The following MCM5 variants were observed in gnomAD, a reference collection of about 807,000 sequenced individuals.
MCM5 encodes the protein DNA replication licensing factor MCM5.
MCM5 carries 46 observed loss-of-function variants against 79.9 expected under a neutral mutation model. The ratio of observed to expected loss-of-function variants is 0.58; its 90% CI spans 0.45 to 0.74. The LOEUF is 0.74. MCM5 is among the 30% of genes least tolerant of loss of function. The pLI, the probability that MCM5 is intolerant of heterozygous loss-of-function variation, is 0.00. For synonymous variants in MCM5, 404 were observed against 390.5 expected (o/e 1.03, Z -0.41); for missense variants, 883 against 1,017.0 (o/e 0.87, Z 1.79).
downstream of MCM5, chr22:35,425,458 A>G (rs1932770465): frequency 6.6e-6 from 1 of 152,186 alleles, no homozygotes; most frequent in African/African-American, 2.4e-5. Context: ...TGAATCACAA[A>G]TGTATTTTTG....
chr22:35,424,405 T>G lies in MCM5; in HGVS notation c.*150T>G. ...TCCTTTCTGCCCCAGAGGAAGGAGCTGTAGTGTCCTGCTGCCTCTGGGCGC... is the reference window on the plus strand; with the variant it reads ...TCCTTTCTGCCCCAGAGGAAGGAGCGGTAGTGTCCTGCTGCCTCTGGGCGC... On this transcript the variant is annotated 3_prime_UTR_variant, in exon 17 of 17. Coordinates refer to ENST00000216122, the MANE Select transcript of MCM5 (RefSeq NM_006739.4). The G allele has an allele frequency of 1.6e-6, 1 of 609,180 alleles. No homozygotes were observed. Among genetic ancestry groups the G allele is most frequent in the Middle Eastern group, 4.3e-4 (1 of 2,326 alleles). 37.7% of individuals were successfully genotyped at this position (609,180 alleles called of 1,614,324 possible). A position where few individuals can be genotyped will look rare whatever the true frequency, so the allele number is the denominator to read the frequency against.
chr22:35,438,935 CCATT>C, the MCM5 span, among the ~76,000 whole-genome samples: 39 of 149,762 alleles, frequency 2.6e-4, no homozygotes, highest in Middle Eastern at 3.5e-3. Flanking sequence ...ATCCATCCAT[CCATT>C]CATCCATCCA....
At chr22:35,413,226 A>G (rs1015292119) in intron 8 of MCM5, among the ~76,000 whole-genome samples, 2 of 151,768 alleles carry the variant, frequency 1.3e-5, no homozygotes, top group Non-Finnish European at 2.9e-5. Flanking sequence ...TTGTATTTTT[A>G]GTAGAGACAG....
downstream of MCM5, among the ~76,000 whole-genome samples, chr22:35,429,131 GC>G: frequency 6.6e-6 from 1 of 151,896 alleles, no homozygotes; most frequent in African/African-American, 2.4e-5. Context: ...GATTACAGGT[GC>G]CTGCCACCAT....
intron 7 of MCM5, among the ~76,000 whole-genome samples, chr22:35,411,800 G>A (rs564157598): frequency 2.0e-5 from 3 of 151,972 alleles, no homozygotes; most frequent in South Asian, 4.1e-4. Context: ...TTCTCCCCAC[G>A]TTCCAGACTT....
At chr22:35,404,608 T>C (rs1286731053) in intron 4 of MCM5, among the ~76,000 whole-genome samples, 1 of 152,222 alleles carries the variant, frequency 6.6e-6, no homozygotes, top group East Asian at 1.9e-4. Flanking sequence ...CCATCCACTA[T>C]GCTGAGACTG....
In MCM5 at chr22:35,406,470, T is replaced by A. The variant is rs1044379952; in HGVS notation, c.424-83T>A. The A allele has an allele frequency of 5.2e-6, 7 of 1,345,684 alleles. No homozygotes were observed. The African/African-American group carries it at 1.0e-4, about 19-fold the overall frequency. 83.4% of individuals were successfully genotyped at this position (1,345,684 alleles called of 1,614,324 possible). A position where few individuals can be genotyped will look rare whatever the true frequency, so the allele number is the denominator to read the frequency against. On this transcript the variant is annotated intron_variant, in intron 4 of 16. Coordinates refer to ENST00000216122, the MANE Select transcript of MCM5 (RefSeq NM_006739.4). Reference sequence around the variant, plus strand: ...AGCTCTGTGCCCACCTCCTCCAGGCTCCTGCCCAGGATATTTACTGGCATA... The same window carrying A: ...AGCTCTGTGCCCACCTCCTCCAGGCACCTGCCCAGGATATTTACTGGCATA...
chr22:35,442,259 C>T, the MCM5 span, among the ~76,000 whole-genome samples: 3 of 152,006 alleles, frequency 2.0e-5, no homozygotes, highest in Admixed American at 1.3e-4. Context: ...TTGCTGCCTG[C>T]CTGCTTGCGT....
the MCM5 span, among the ~76,000 whole-genome samples, chr22:35,434,683 C>T: frequency 6.6e-6 from 1 of 152,192 alleles, no homozygotes; most frequent in Non-Finnish European, 1.5e-5. Context: ...TAGTGAATGC[C>T]ACACGGGACA....
At chr22:35,445,661 C>G in the MCM5 span, among the ~76,000 whole-genome samples, 1 of 152,074 alleles carries the variant, frequency 6.6e-6, no homozygotes, top group Non-Finnish European at 1.5e-5. Flanking sequence ...AGGCACCCAC[C>G]ACCATGCCTG....
At chr22:35,448,202 G>C in the MCM5 span, among the ~76,000 whole-genome samples, 1 of 152,196 alleles carries the variant, frequency 6.6e-6, no homozygotes, top group Non-Finnish European at 1.5e-5. Context: ...AAATAAGAAT[G>C]ATCAAAGCGC....
intron 2 of MCM5, chr22:35,401,790 G>A: frequency 4.5e-6 from 2 of 448,904 alleles, no homozygotes; most frequent in Non-Finnish European, 9.2e-6. Context: ...AACTTCCACG[G>A]TGGTCATTTC....
At chr22:35,442,491 G>A in the MCM5 span, among the ~76,000 whole-genome samples, 1 of 152,168 alleles carries the variant, frequency 6.6e-6, no homozygotes, top group Admixed American at 6.6e-5. Context: ...AAGTATGAAA[G>A]TGCAGGCAGG....
intron 7 of MCM5, 72 bp downstream of exon 7, chr22:35,410,982 C>A: frequency 1.4e-6 from 2 of 1,415,298 alleles, no homozygotes; most frequent in Non-Finnish European, 1.9e-6. Flanking sequence ...TAACAGGCAG[C>A]TCGTTACTTC....
intron 2 of MCM5, chr22:35,401,816 T>A: frequency 2.4e-6 from 1 of 419,112 alleles, no homozygotes; most frequent in Admixed American, 2.7e-5. Flanking sequence ...CAGAGGAAGG[T>A]GAAAGGACTT....
the MCM5 span, among the ~76,000 whole-genome samples, chr22:35,439,826 C>T: frequency 1.0e-3 from 152 of 152,340 alleles, no homozygotes; most frequent in African/African-American, 3.3e-3. Context: ...TAATACTTTG[C>T]AAGACTGTTG....
At chr22:35,415,088 T>A (rs1932503788) in intron 9 of MCM5, among the ~76,000 whole-genome samples, 1 of 151,698 alleles carries the variant, frequency 6.6e-6, no homozygotes, top group African/African-American at 2.4e-5. Context: ...TGGGTGCGGT[T>A]GTGTGCATAC....
At chr22:35,438,113 C>T in the MCM5 span, among the ~76,000 whole-genome samples, 1 of 152,140 alleles carries the variant, frequency 6.6e-6, no homozygotes, top group African/African-American at 2.4e-5. Flanking sequence ...CCATCCCTAC[C>T]TTTCAGACAG....
the MCM5 span, among the ~76,000 whole-genome samples, chr22:35,449,392 A>G: frequency 6.6e-6 from 1 of 151,440 alleles, no homozygotes; most frequent in East Asian, 1.9e-4. Context: ...TACCCCAGCT[A>G]TGGCCTCTCT....
Sources: allele counts gnomAD v4.1 joint callset (sites outside exome capture counted in the v4.1 genomes callset), GRCh38; gene constraint gnomAD v4.1.1; transcripts MANE v1.5; gene names NCBI Gene and HGNC (gene_info 2026-07-23, HGNC 2026-07-21).